ATP10B: variants seen among roughly 807,000 people sequenced by gnomAD.
The protein encoded by ATP10B is ATPase phospholipid transporting 10B (putative).
Under a neutral mutation model 141.2 loss-of-function variants are expected in ATP10B, and 122 were observed. The observed-to-expected ratio is 0.86, with a 90% confidence interval of 0.75 to 1.00. The LOEUF (loss-of-function observed/expected upper bound fraction) is 1.00. Ranked by LOEUF, ATP10B falls within the 50% of genes least tolerant of loss-of-function variation. The probability of loss-of-function intolerance (pLI) is 0.00; values close to 1 mark genes in which losing one functional copy is unlikely to be tolerated. For missense variants in ATP10B, 1,876 were observed against 1,825.3 expected, an observed-to-expected ratio of 1.03 and a Z score of -0.51; for synonymous variants, 685 against 692.0, an observed-to-expected ratio of 0.99 and a Z score of 0.16.
chr5:160,719,588 A>G (rs999288162), intron 2 of ATP10B, among the ~76,000 whole-genome samples: 2 of 152,260 alleles, frequency 1.3e-5, no homozygotes, highest in African/African-American at 4.8e-5. Context: ...GATTTATAAC[A>G]ATGGACTGGA....
chr5:160,615,965 C>G lies in ATP10B; in HGVS notation c.2527-1G>C, dbSNP rs375795330. The G allele has an allele frequency of 1.2e-5, 20 of 1,611,200 alleles. No individual in the cohort carries two copies. Among genetic ancestry groups the G allele is most frequent in the Non-Finnish European group, 1.6e-5 (19 of 1,177,804 alleles). On this transcript the variant is annotated splice_acceptor_variant, in intron 16 of 25. Coordinates refer to ENST00000327245, the MANE Select transcript of ATP10B (RefSeq NM_025153.3). LOFTEE classifies it high-confidence loss of function. ...TCCGGAAGTCCTCTTCGCTTACAAC[C>G]TATGGGATGGGAAAAGGCTCCTTAA... is the stretch of plus-strand genomic sequence containing the variant.
intron 2 of ATP10B, among the ~76,000 whole-genome samples, chr5:160,752,608 C>T (rs1020355806): frequency 2.0e-5 from 3 of 151,942 alleles, no homozygotes; most frequent in Non-Finnish European, 4.4e-5. Context: ...AGAAATGGAT[C>T]GTTGGGTAGA....
intron 24 of ATP10B, 24 bp downstream of exon 24, chr5:160,589,568 C>T (rs1314313861): frequency 6.3e-7 from 1 of 1,584,440 alleles, no homozygotes. Flanking sequence ...AGTTTTGAAG[C>T]CAAAGGGGCT....
intron 2 of ATP10B, among the ~76,000 whole-genome samples, chr5:160,741,517 G>C (rs951373819): frequency 1.3e-5 from 2 of 152,160 alleles, no homozygotes; most frequent in Non-Finnish European, 2.9e-5. Flanking sequence ...GGCTACAAGA[G>C]CTTATAGGGT....
intron 1 of ATP10B, among the ~76,000 whole-genome samples, chr5:160,828,663 T>A (rs1176134706): frequency 6.6e-6 from 1 of 151,768 alleles, no homozygotes; most frequent in Admixed American, 6.6e-5. Flanking sequence ...TCCTCAGGGA[T>A]CTAGAACTAG....
chr5:160,813,459 C>A (rs527421812), intron 1 of ATP10B, among the ~76,000 whole-genome samples: 4 of 152,170 alleles, frequency 2.6e-5, no homozygotes, highest in Non-Finnish European at 5.9e-5. Context: ...ACTGCTGAGG[C>A]TTGAGTAGGT....
the ATP10B span, among the ~76,000 whole-genome samples, chr5:160,919,727 G>A: frequency 6.6e-6 from 1 of 152,084 alleles, no homozygotes; most frequent in Non-Finnish European, 1.5e-5. Flanking sequence ...CTCTACAGTG[G>A]CATCTACCCA....
At chr5:160,806,120 C>T (rs1772754216) in intron 1 of ATP10B, among the ~76,000 whole-genome samples, 1 of 152,196 alleles carries the variant, frequency 6.6e-6, no homozygotes, top group South Asian at 2.1e-4. Flanking sequence ...CTGGGGACAG[C>T]CATCTGCTTT....
chr5:160,631,708 T>C (rs142253009), intron 13 of ATP10B, among the ~76,000 whole-genome samples: 1 of 152,306 alleles, frequency 6.6e-6, no homozygotes, highest in East Asian at 1.9e-4. Flanking sequence ...AAAACATGCA[T>C]AATGAGTATG....
intron 12 of ATP10B, chr5:160,633,297 C>A (rs1316959841): frequency 2.6e-5 from 4 of 152,230 alleles, no homozygotes; most frequent in African/African-American, 7.2e-5. Flanking sequence ...ATAGCAAAGA[C>A]TTGGAACCAA....
intron 13 of ATP10B, among the ~76,000 whole-genome samples, chr5:160,622,906 C>A (rs1404059278): frequency 6.6e-6 from 1 of 152,136 alleles, no homozygotes; most frequent in Non-Finnish European, 1.5e-5. Flanking sequence ...AATACTGTTG[C>A]CTCTCACCTT....
intron 2 of ATP10B, among the ~76,000 whole-genome samples, chr5:160,771,341 T>A (rs924210489): frequency 1.3e-5 from 2 of 152,202 alleles, no homozygotes; most frequent in Admixed American, 1.3e-4. Flanking sequence ...TAATACAGCA[T>A]CATTAGCATC....
At chr5:160,586,751 G>T (rs1006324692) in intron 24 of ATP10B, among the ~76,000 whole-genome samples, 6 of 151,996 alleles carry the variant, frequency 3.9e-5, no homozygotes, top group South Asian at 2.1e-4. Context: ...TTTCATGTTT[G>T]TTGGTCACAT....
chr5:160,828,465 A>C (rs1013134904), intron 1 of ATP10B, among the ~76,000 whole-genome samples: 2 of 152,030 alleles, frequency 1.3e-5, no homozygotes, highest in Admixed American at 1.3e-4. Flanking sequence ...AATGCTCATC[A>C]TCACTAGCCA....
chr5:160,717,386 A>T (rs1156263521), intron 2 of ATP10B, among the ~76,000 whole-genome samples: 1 of 152,158 alleles, frequency 6.6e-6, no homozygotes, highest in Non-Finnish European at 1.5e-5. Context: ...TATATCTCCA[A>T]TTCTCTTCTT....
At chr5:160,625,780 C>G (rs1022397670) in intron 13 of ATP10B, among the ~76,000 whole-genome samples, 1 of 152,222 alleles carries the variant, frequency 6.6e-6, no homozygotes, top group African/African-American at 2.4e-5. Context: ...GTCCCTCATG[C>G]CTGGTGGATT....
the ATP10B span, among the ~76,000 whole-genome samples, chr5:160,882,704 G>T: frequency 1.3e-5 from 2 of 152,050 alleles, no homozygotes; most frequent in Non-Finnish European, 2.9e-5. Context: ...AATTTAACAG[G>T]TAAATACCGT....
At chr5:160,640,121 A>C (rs954768447) in intron 10 of ATP10B, among the ~76,000 whole-genome samples, 14 of 152,228 alleles carry the variant, frequency 9.2e-5, no homozygotes, top group African/African-American at 3.1e-4. Flanking sequence ...TAACAGAATA[A>C]ATTTGTGTTG....
At chr5:160,625,872 T>C (rs2127655004) in intron 13 of ATP10B, among the ~76,000 whole-genome samples, 1 of 152,358 alleles carries the variant, frequency 6.6e-6, no homozygotes, top group Admixed American at 6.5e-5. Context: ...CTGCTGTCTG[T>C]TCATTAAAAC....
Sources: gnomAD v4.1 joint callset for allele counts (sites outside exome capture counted in the v4.1 genomes callset) on GRCh38, gnomAD v4.1.1 for gene constraint, MANE v1.5 for transcripts, NCBI Gene and HGNC (gene_info 2026-07-23, HGNC 2026-07-21) for gene names.